The following SPMIP1 variants were observed in gnomAD, a reference collection of about 807,000 sequenced individuals.
SPMIP1 encodes protein SPMIP1.
At chr7:128,866,886 G>A in the SPMIP1 span, 16 of 1,466,400 alleles carry the variant, frequency 1.1e-5, no homozygotes, top group African/African-American at 1.5e-4. Context: ...CATGTGCTAG[G>A]GAGTGGGCAT....
chr7:128,868,192 C>A, the SPMIP1 span, among the ~76,000 whole-genome samples: 1 of 152,252 alleles, frequency 6.6e-6, no homozygotes, highest in Admixed American at 6.5e-5. Context: ...CAGCCCTGTA[C>A]CCTTCTCCAG....
the SPMIP1 span, chr7:128,870,133 G>C: frequency 2.0e-5 from 3 of 152,298 alleles, no homozygotes; most frequent in Admixed American, 6.5e-5. Flanking sequence ...GCGTCAGCGT[G>C]GTAGTCCTTC....
At chr7:128,871,397 TCTTA>T in the SPMIP1 span, 2 of 152,214 alleles carry the variant, frequency 1.3e-5, no homozygotes, top group African/African-American at 4.8e-5. Context: ...GCTCTGGGCG[TCTTA>T]CTTTTTACTC....
the SPMIP1 span, chr7:128,870,570 C>T: frequency 6.6e-6 from 1 of 152,274 alleles, no homozygotes; most frequent in African/African-American, 2.4e-5. Context: ...TGAAGTTCTG[C>T]TCTCTCCTGG....
chr7:128,869,024 C>T, the SPMIP1 span: 55 of 428,090 alleles, frequency 1.3e-4, no homozygotes, highest in Admixed American at 1.5e-3. Flanking sequence ...ACTTCGCAGG[C>T]ACGGGATCCT....
the SPMIP1 span, chr7:128,866,694 C>T: frequency 6.5e-7 from 1 of 1,535,990 alleles, no homozygotes; most frequent in South Asian, 1.2e-5. Context: ...CACCTATCAC[C>T]CGAGCCCTGC....
At chr7:128,871,435 C>T in the SPMIP1 span, 1 of 152,212 alleles carries the variant, frequency 6.6e-6, no homozygotes, top group Non-Finnish European at 1.5e-5. Flanking sequence ...CCTTCCTTAG[C>T]CTTTTCTTTG....
At chr7:128,866,927 C>T in the SPMIP1 span, 1 of 1,224,650 alleles carries the variant, frequency 8.2e-7, no homozygotes, top group Non-Finnish European at 1.1e-6. Context: ...ATAAACAGAG[C>T]AAGGAGATGG....
At chr7:128,870,633 T>C in the SPMIP1 span, 1 of 152,196 alleles carries the variant, frequency 6.6e-6, no homozygotes, top group Non-Finnish European at 1.5e-5. Context: ...GAAGGCAGGT[T>C]TTGGGAGGGC....
the SPMIP1 span, chr7:128,866,949 C>T: frequency 2.2e-5 from 22 of 992,756 alleles, no homozygotes; most frequent in African/African-American, 4.9e-5. Context: ...CAAGAAGTGT[C>T]GACACGTTCC....
the SPMIP1 span, chr7:128,868,770 CTCTGACCGTG>C: frequency 6.5e-7 from 1 of 1,533,624 alleles, no homozygotes; most frequent in South Asian, 1.2e-5. Context: ...AGACCTGGCC[CTCTGACCGTG>C]GGCCAGGTGT....
chr7:128,871,773 AGGAGACTCCT>A, the SPMIP1 span: 2 of 152,260 alleles, frequency 1.3e-5, no homozygotes. Flanking sequence ...TTTTAAACAA[AGGAGACTCCT>A]GGGCCTTTAG....
At chr7:128,866,783 G>A in the SPMIP1 span, 58 of 1,535,870 alleles carry the variant, frequency 3.8e-5, no homozygotes, top group African/African-American at 5.5e-5. Context: ...CCAGAGACGC[G>A]ATACCTCTTC....
chr7:128,867,910 A>G, the SPMIP1 span, among the ~76,000 whole-genome samples: 3 of 152,134 alleles, frequency 2.0e-5, no homozygotes, highest in South Asian at 4.2e-4. Flanking sequence ...AGGGAGCTCA[A>G]GTTGCTGGAA....
At chr7:128,868,801 GA>G in the SPMIP1 span, 1 of 1,479,928 alleles carries the variant, frequency 6.8e-7, no homozygotes, top group Non-Finnish European at 9.1e-7. Context: ...GGGCTTAGGG[GA>G]GGGAAGAAGA....
At chr7:128,870,656 C>G in the SPMIP1 span, 72 of 152,394 alleles carry the variant, frequency 4.7e-4, no homozygotes, top group African/African-American at 1.7e-3. Context: ...GTCCCCCGGC[C>G]CAGGGGTCCC....
At chr7:128,866,803 A>G in the SPMIP1 span, 42 of 1,534,454 alleles carry the variant, frequency 2.7e-5, 1 homozygote, top group South Asian at 4.6e-4. Flanking sequence ...CCCCATCACC[A>G]CCAGCTTCAC....
chr7:128,868,276 T>G, the SPMIP1 span, among the ~76,000 whole-genome samples: 1 of 152,222 alleles, frequency 6.6e-6, no homozygotes, highest in Non-Finnish European at 1.5e-5. Context: ...CAAACATCCC[T>G]TTCCCCCAGG....
At chr7:128,866,679 G>A in the SPMIP1 span, 9 of 1,318,698 alleles carry the variant, frequency 6.8e-6, no homozygotes, top group African/African-American at 3.3e-5. Flanking sequence ...AAATGTACCC[G>A]GTACCACCTA....
Sources: gnomAD v4.1 joint callset for allele counts (sites outside exome capture counted in the v4.1 genomes callset) on GRCh38, gnomAD v4.1.1 for gene constraint, MANE v1.5 for transcripts, NCBI Gene and HGNC (gene_info 2026-07-23, HGNC 2026-07-21) for gene names.